The following SMURF2 variants were observed in gnomAD, a reference collection of about 807,000 sequenced individuals.
SMURF2 encodes E3 ubiquitin-protein ligase SMURF2.
A neutral mutation model predicts 109.6 loss-of-function variants in SMURF2; 48 were observed. That is an observed-to-expected ratio of 0.44 (90% confidence interval 0.35 to 0.56). The LOEUF (loss-of-function observed/expected upper bound fraction) is 0.56, where lower values mean the gene tolerates loss of function less well. Among genes scored for constraint, SMURF2 ranks in the 20% least tolerant of loss-of-function variants. The pLI, the probability that SMURF2 is intolerant of heterozygous loss-of-function variation, is 0.01. For missense variants in SMURF2, 575 were observed against 909.0 expected (o/e 0.63, Z 4.72); for synonymous variants, 288 against 317.1 (o/e 0.91, Z 0.97).
intron 10 of SMURF2, among the ~76,000 whole-genome samples, chr17:64,569,223 C>A (rs1017533760): frequency 1.3e-5 from 2 of 151,840 alleles, no homozygotes; most frequent in Non-Finnish European, 2.9e-5. Context: ...ATTGCTTGAA[C>A]CCGGGATGTG....
intron 3 of SMURF2, among the ~76,000 whole-genome samples, chr17:64,596,555 A>T (rs1485947802): frequency 1.3e-5 from 2 of 150,232 alleles, no homozygotes; most frequent in Non-Finnish European, 3.0e-5. Context: ...TGACAATGGA[A>T]GATAAAGTTC....
At chr17:64,632,310 T>C (rs1393747861) in intron 1 of SMURF2, among the ~76,000 whole-genome samples, 3 of 152,162 alleles carry the variant, frequency 2.0e-5, no homozygotes, top group Non-Finnish European at 2.9e-5. Context: ...TCCAGAAATT[T>C]TGACTTGCCA....
chr17:64,604,623 G>A (rs1969943892), intron 2 of SMURF2, among the ~76,000 whole-genome samples: 1 of 152,022 alleles, frequency 6.6e-6, no homozygotes, highest in South Asian at 2.1e-4. Context: ...CAGAGCAGAT[G>A]TCTTGGAGAG....
intron 1 of SMURF2, among the ~76,000 whole-genome samples, chr17:64,609,260 G>GA (rs1292293244): frequency 2.6e-5 from 4 of 151,834 alleles, no homozygotes; most frequent in African/African-American, 4.8e-5. Flanking sequence ...TCACAGAATT[G>GA]AAAAAAACTA....
At chr17:64,653,448 T>C (rs908054945) in intron 1 of SMURF2, among the ~76,000 whole-genome samples, 2 of 139,608 alleles carry the variant, frequency 1.4e-5, no homozygotes, top group African/African-American at 5.4e-5. Context: ...AAATGCAAAA[T>C]GGTACAACTT....
intron 9 of SMURF2, among the ~76,000 whole-genome samples, chr17:64,572,492 G>A (rs1454038400): frequency 6.6e-6 from 1 of 152,154 alleles, no homozygotes; most frequent in Non-Finnish European, 1.5e-5. Context: ...TCTAAAATCT[G>A]TAAAGTTAGT....
chr17:64,612,014 T>C (rs1049575601), intron 1 of SMURF2, among the ~76,000 whole-genome samples: 2 of 152,158 alleles, frequency 1.3e-5, no homozygotes, highest in Non-Finnish European at 2.9e-5. Context: ...TTCCTAGGCT[T>C]CTTCACCTAC....
chr17:64,605,637 T>G, intron 2 of SMURF2, among the ~76,000 whole-genome samples: 1 of 150,154 alleles, frequency 6.7e-6, no homozygotes, highest in Non-Finnish European at 1.5e-5. Flanking sequence ...CTCAGGAGGG[T>G]GAGATAGGAG....
rs1555682979 is a variant in SMURF2 at position 64,545,230 on chromosome 17, A to G, written c.*618T>C. 1.3e-5 allele frequency: 2 copies of G among 152,646 alleles called. No individual in the cohort carries two copies. Among genetic ancestry groups the G allele is most frequent in the African/African-American group, 4.8e-5 (2 of 41,458 alleles). 9.5% of individuals were successfully genotyped at this position (152,646 alleles called of 1,614,324 possible). ...AAATCCGTTCTTGAAAAATGTAAAA[A>G]AGACCCACTTAGACTAGGTTGAAAC... On this transcript the variant is annotated 3_prime_UTR_variant, in exon 19 of 19. Coordinates refer to ENST00000262435, the MANE Select transcript of SMURF2 (RefSeq NM_022739.4).
At chr17:64,613,424 G>C (rs1555689724) in intron 1 of SMURF2, among the ~76,000 whole-genome samples, 3 of 152,096 alleles carry the variant, frequency 2.0e-5, no homozygotes, top group Non-Finnish European at 4.4e-5. Flanking sequence ...ACTAAGATTA[G>C]GAATCATGGG....
intron 1 of SMURF2, among the ~76,000 whole-genome samples, chr17:64,622,826 A>T (rs1180540061): frequency 6.6e-6 from 1 of 152,190 alleles, no homozygotes; most frequent in Non-Finnish European, 1.5e-5. Flanking sequence ...ACACATAAGG[A>T]CTAGAGAGTT....
intron 1 of SMURF2, among the ~76,000 whole-genome samples, chr17:64,624,292 T>C (rs1431556936): frequency 1.3e-5 from 2 of 150,260 alleles, no homozygotes; most frequent in Non-Finnish European, 3.0e-5. Context: ...AGCCCAGGAG[T>C]TCAAGACCAG....
intron 17 of SMURF2, among the ~76,000 whole-genome samples, 194 bp from the exon 18 acceptor site, chr17:64,546,532 A>C (rs1372121497): frequency 1.3e-5 from 2 of 152,242 alleles, no homozygotes; most frequent in Admixed American, 1.3e-4. Context: ...GATAAGGCTT[A>C]GATTCCGTAA....
At chr17:64,566,561 G>GTTTGGTTTTTTTTT (rs1969305868) in intron 10 of SMURF2, among the ~76,000 whole-genome samples, 6 of 43,784 alleles carry the variant, frequency 1.4e-4, no homozygotes, top group African/African-American at 3.0e-4. Context: ...AAGCTTTCTG[G>GTTTGGTTTTTTTTT]TTTTTTTTTT....
intron 10 of SMURF2, among the ~76,000 whole-genome samples, chr17:64,570,473 C>CT (rs1363135802): frequency 1.3e-5 from 2 of 152,140 alleles, no homozygotes; most frequent in African/African-American, 4.8e-5. Context: ...TGAAGTTTTC[C>CT]TGTTCTCTCT....
intron 4 of SMURF2, among the ~76,000 whole-genome samples, chr17:64,592,457 C>T (rs1189486873): frequency 6.6e-6 from 1 of 152,156 alleles, no homozygotes; most frequent in Non-Finnish European, 1.5e-5. Flanking sequence ...GCTCAATTTT[C>T]TGCCCTTTTC....
At chr17:64,627,395 C>T (rs1047074516) in intron 1 of SMURF2, among the ~76,000 whole-genome samples, 7 of 152,154 alleles carry the variant, frequency 4.6e-5, no homozygotes, top group South Asian at 4.1e-4. Flanking sequence ...GGATTACAGG[C>T]GTTAGCCACT....
chr17:64,551,984 G>A (rs914133520), intron 15 of SMURF2, among the ~76,000 whole-genome samples: 6 of 152,184 alleles, frequency 3.9e-5, no homozygotes, highest in African/African-American at 1.4e-4. Flanking sequence ...ACGTCTACTA[G>A]AGCTGAGTCT....
Position 64,661,939 on chromosome 17 carries a change from G to A in SMURF2, c.-59C>T. On this transcript the variant is annotated 5_prime_UTR_variant, in exon 1 of 19. Transcript: ENST00000262435. ...CGGCACGGGGGCGACGGCGAGGCGC[G>A]GCGGAGTCACCACAGCGGCCGGGGC... 1 of 1,148,092 alleles carries A rather than the reference G, an allele frequency of 8.7e-7. No homozygotes were observed. Among genetic ancestry groups the A allele is most frequent in the Non-Finnish European group, 1.1e-6 (1 of 934,792 alleles). 71.1% of individuals were successfully genotyped at this position (1,148,092 alleles called of 1,614,324 possible).
Sources: allele counts gnomAD v4.1 joint callset (sites outside exome capture counted in the v4.1 genomes callset), GRCh38; gene constraint gnomAD v4.1.1; transcripts MANE v1.5; gene names NCBI Gene and HGNC (gene_info 2026-07-23, HGNC 2026-07-21).